Variants in FGF7 observed in about 807,000 individuals in gnomAD.
FGF7 encodes fibroblast growth factor 7, also known as FGF-7.
FGF7 carries 6 observed loss-of-function variants against 20.5 expected under a neutral mutation model. The observed-to-expected ratio is 0.29, with a 90% CI of 0.16 to 0.58. FGF7 has a LOEUF of 0.58. FGF7 is among the 20% of genes least tolerant of loss of function. The pLI is 0.90. For missense variants in FGF7, 144 were observed against 228.8 expected, an observed-to-expected ratio of 0.63 and a Z score of 2.39; for synonymous variants, 64 against 74.7, an observed-to-expected ratio of 0.86 and a Z score of 0.74.
chr15:49,478,410 G>A (rs1424966923), intron 2 of FGF7, among the ~76,000 whole-genome samples: 1 of 151,298 alleles, frequency 6.6e-6, no homozygotes, highest in Admixed American at 6.6e-5. Context: ...TTGCATATAT[G>A]TATATGTCGG....
chr15:49,432,160 T>A (rs1227201464), intron 2 of FGF7, among the ~76,000 whole-genome samples: 1 of 151,732 alleles, frequency 6.6e-6, no homozygotes, highest in East Asian at 1.9e-4. Context: ...ATATTTCCCA[T>A]TTTATCTGGC....
intron 2 of FGF7, among the ~76,000 whole-genome samples, chr15:49,440,765 G>A (rs1247091835): frequency 6.6e-6 from 1 of 151,626 alleles, no homozygotes; most frequent in East Asian, 2.0e-4. Context: ...ACAGAGTCAG[G>A]ACCTGAACTC....
rs1219709359 is a variant in FGF7 at position 49,443,396 on chromosome 15, GGCT to G, written c.286+18814_286+18816del. Among the ~76,000 whole-genome samples the G allele has an allele frequency of 2.1e-4, 32 of 151,272 alleles. No individual in the cohort carries two copies. The East Asian group carries it at 4.1e-3, about 19-fold the overall frequency. On this transcript the variant is annotated intron_variant, in intron 2 of 3. Transcript: ENST00000267843. ...CTCTGTTCAGTGATGTTTTGTTGGT[GGCT>G]TGGACCCAACTATGATAAGAGCACC... is the stretch of plus-strand genomic sequence containing the variant.
intron 2 of FGF7, among the ~76,000 whole-genome samples, chr15:49,445,068 A>G (rs113145369): frequency 0.024 from 3,690 of 151,696 alleles, 123 homozygotes; most frequent in South Asian, 0.16. Context: ...ACATATCCTC[A>G]ATAATCCTTT....
chr15:49,481,301 G>A (rs573076344), intron 2 of FGF7, among the ~76,000 whole-genome samples: 1 of 152,282 alleles, frequency 6.6e-6, no homozygotes, highest in Non-Finnish European at 1.5e-5. Flanking sequence ...CATTTTGGAG[G>A]TATTGCAAAT....
intron 2 of FGF7, among the ~76,000 whole-genome samples, chr15:49,466,541 C>T (rs2054282640): frequency 6.6e-6 from 1 of 151,908 alleles, no homozygotes; most frequent in Non-Finnish European, 1.5e-5. Flanking sequence ...ATAGAGTATA[C>T]CACTGAAACT....
intron 2 of FGF7, among the ~76,000 whole-genome samples, chr15:49,469,856 T>C (rs1343613228): frequency 6.6e-6 from 1 of 152,086 alleles, no homozygotes; most frequent in East Asian, 1.9e-4. Context: ...CTCTAAGAAG[T>C]CATAATGATA....
At chr15:49,437,955 GA>G (rs1597186355) in intron 2 of FGF7, among the ~76,000 whole-genome samples, 1 of 151,606 alleles carries the variant, frequency 6.6e-6, no homozygotes, top group Non-Finnish European at 1.5e-5. Context: ...ACATCTCAAA[GA>G]GCAGGTGGGA....
At chr15:49,471,924 C>T (rs1271519167) in intron 2 of FGF7, among the ~76,000 whole-genome samples, 1 of 151,778 alleles carries the variant, frequency 6.6e-6, no homozygotes, top group Admixed American at 6.6e-5. Flanking sequence ...TGGAATCCCT[C>T]GTGACAGTGA....
At chr15:49,469,084 G>T (rs1343968577) in intron 2 of FGF7, among the ~76,000 whole-genome samples, 1 of 152,046 alleles carries the variant, frequency 6.6e-6, no homozygotes, top group Non-Finnish European at 1.5e-5. Flanking sequence ...ACTTATACAA[G>T]TTGTTTACAA....
intron 2 of FGF7, among the ~76,000 whole-genome samples, chr15:49,430,885 A>G (rs2050552055): frequency 1.3e-5 from 2 of 151,808 alleles, no homozygotes; most frequent in South Asian, 4.1e-4. Flanking sequence ...CATTCAAACC[A>G]TAGCAAGGGT....
At chr15:49,436,133 A>C (rs1452360767) in intron 2 of FGF7, among the ~76,000 whole-genome samples, 1 of 151,572 alleles carries the variant, frequency 6.6e-6, no homozygotes, top group Non-Finnish European at 1.5e-5. Context: ...CTGTTTTAAA[A>C]TTATACATGG....
At chr15:49,461,061 A>C (rs959584117) in intron 2 of FGF7, among the ~76,000 whole-genome samples, 67 of 152,042 alleles carry the variant, frequency 4.4e-4, no homozygotes, top group African/African-American at 1.6e-3. Context: ...CACCTCTGCC[A>C]TTTTTCTTAG....
chr15:49,427,685 C>G (rs1283431140), intron 2 of FGF7, among the ~76,000 whole-genome samples: 1 of 151,966 alleles, frequency 6.6e-6, no homozygotes, highest in Non-Finnish European at 1.5e-5. Flanking sequence ...CTTCAGAGGA[C>G]TACTCACTTC....
chr15:49,464,744 G>A (rs562271370), intron 2 of FGF7, among the ~76,000 whole-genome samples: 1 of 152,260 alleles, frequency 6.6e-6, no homozygotes, highest in Non-Finnish European at 1.5e-5. Flanking sequence ...AAGAATGTAA[G>A]ACACAAAACA....
At chr15:49,430,158 C>T (rs1176177876) in intron 2 of FGF7, among the ~76,000 whole-genome samples, 2 of 151,850 alleles carry the variant, frequency 1.3e-5, no homozygotes, top group African/African-American at 2.4e-5. Flanking sequence ...TGGAAATGTA[C>T]GTGATGATAG....
chr15:49,481,879 T>C (rs1276531144), intron 2 of FGF7, among the ~76,000 whole-genome samples: 1 of 152,140 alleles, frequency 6.6e-6, no homozygotes, highest in African/African-American at 2.4e-5. Context: ...GGCTTCTATA[T>C]GCAACATATA....
rs186668462 is a variant in FGF7, at chr15:49,464,496, T to A, written c.287-18655T>A. Among the ~76,000 whole-genome samples, 23 of 152,272 alleles carry A rather than the reference T, an allele frequency of 1.5e-4. No individual in the cohort carries two copies. The East Asian group carries it at 1.9e-3, about 13-fold the overall frequency. On this transcript the variant is annotated intron_variant, in intron 2 of 3. Coordinates refer to ENST00000267843, the MANE Select transcript of FGF7 (RefSeq NM_002009.4). ...ACATCTCTAAATTCATGAACTAAGC[T>A]AATGATGATAAAATGCTGGAAGACA...
chr15:49,430,527 G>A (rs1266660981), intron 2 of FGF7, among the ~76,000 whole-genome samples: 4 of 151,792 alleles, frequency 2.6e-5, no homozygotes, highest in Non-Finnish European at 4.4e-5. Flanking sequence ...TGATATAAGA[G>A]AATACTGCAG....
Sources: gnomAD v4.1 joint callset for allele counts (sites outside exome capture counted in the v4.1 genomes callset) on GRCh38, gnomAD v4.1.1 for gene constraint, MANE v1.5 for transcripts, NCBI Gene and HGNC (gene_info 2026-07-23, HGNC 2026-07-21) for gene names.